Variants in ST7 observed in about 807,000 individuals in gnomAD.
The protein encoded by ST7 is suppression of tumorigenicity 7.
In ST7, 28 loss-of-function variants were observed where a neutral mutation model predicts 78.7. The observed-to-expected ratio is 0.36, with a 90% CI of 0.26 to 0.49. The LOEUF (loss-of-function observed/expected upper bound fraction) is 0.49. Among genes scored for constraint, ST7 ranks in the 20% least tolerant of loss-of-function variants. ST7 has a pLI of 0.99. For synonymous variants in ST7, 247 were observed against 249.6 expected, an observed-to-expected ratio of 0.99 and a Z score of 0.10; for missense variants, 418 against 696.0, an observed-to-expected ratio of 0.60 and a Z score of 4.49.
intron 10 of ST7, among the ~76,000 whole-genome samples, chr7:117,172,418 G>A (rs947081574): frequency 2.0e-5 from 3 of 152,176 alleles, no homozygotes; most frequent in Non-Finnish European, 2.9e-5. Context: ...GCCAGTGATG[G>A]CATCATTTTG....
chr7:116,969,697 C>T (rs1793314244), intron 1 of ST7, among the ~76,000 whole-genome samples: 4 of 152,132 alleles, frequency 2.6e-5, no homozygotes, highest in Admixed American at 6.6e-5. Context: ...TCAAAGCCTC[C>T]CATAACAAAG....
chr7:117,078,891 G>T (rs1369377173), intron 1 of ST7, among the ~76,000 whole-genome samples: 1 of 152,056 alleles, frequency 6.6e-6, no homozygotes, highest in Non-Finnish European at 1.5e-5. Context: ...ATAGTGCTTG[G>T]GTGCATTCTG....
At chr7:117,165,435 A>G (rs1807473160) in intron 9 of ST7, among the ~76,000 whole-genome samples, 1 of 151,690 alleles carries the variant, frequency 6.6e-6, no homozygotes, top group Non-Finnish European at 1.5e-5. Flanking sequence ...TAGATAATGG[A>G]AGATTATAAA....
intron 15 of ST7, among the ~76,000 whole-genome samples, chr7:117,225,673 A>G (rs987035172): frequency 3.3e-5 from 5 of 152,074 alleles, no homozygotes; most frequent in Admixed American, 2.6e-4. Flanking sequence ...TGTGAAAGTG[A>G]TTTTCTCAGC....
chr7:117,089,845 C>T (rs936808016), intron 1 of ST7, among the ~76,000 whole-genome samples: 3 of 152,164 alleles, frequency 2.0e-5, no homozygotes, highest in African/African-American at 7.2e-5. Flanking sequence ...GCTGGGATTA[C>T]AGGCATGAGC....
intron 2 of ST7, among the ~76,000 whole-genome samples, chr7:117,107,946 T>C (rs1268208202): frequency 1.3e-5 from 2 of 152,084 alleles, no homozygotes; most frequent in Non-Finnish European, 2.9e-5. Context: ...ATTTTTTTCT[T>C]TCTTGCTGAT....
At chr7:117,091,581 T>C (rs1474103084) in intron 1 of ST7, among the ~76,000 whole-genome samples, 1 of 152,154 alleles carries the variant, frequency 6.6e-6, no homozygotes, top group Non-Finnish European at 1.5e-5. Context: ...TTATGAACAA[T>C]CGGGAAAGAA....
At chr7:117,160,643 G>A (rs1185893837) in intron 9 of ST7, among the ~76,000 whole-genome samples, 2 of 144,516 alleles carry the variant, frequency 1.4e-5, no homozygotes, top group African/African-American at 2.8e-5. Flanking sequence ...ACATATACTT[G>A]TGTGTGTGTG....
intron 1 of ST7, among the ~76,000 whole-genome samples, chr7:117,040,226 G>A (rs1163130169): frequency 6.6e-6 from 1 of 152,066 alleles, no homozygotes; most frequent in African/African-American, 2.4e-5. Context: ...ACAAAAGTTA[G>A]CCAGGCTTGG....
intron 13 of ST7, among the ~76,000 whole-genome samples, chr7:117,214,155 CA>C (rs1792504993): frequency 1.3e-5 from 2 of 152,142 alleles, no homozygotes; most frequent in Non-Finnish European, 2.9e-5. Flanking sequence ...GCCTGCCGAC[CA>C]CAACTGTGAA....
chr7:117,176,288 A>G (rs1808339346), intron 10 of ST7, among the ~76,000 whole-genome samples: 1 of 152,226 alleles, frequency 6.6e-6, no homozygotes. Flanking sequence ...TGCAACCACT[A>G]TATCAAGATC....
chr7:117,217,156 T>G (rs1239027685), intron 13 of ST7, among the ~76,000 whole-genome samples: 5 of 152,154 alleles, frequency 3.3e-5, no homozygotes, highest in Non-Finnish European at 7.4e-5. Context: ...TGACTTCAAT[T>G]TTGAATAAAA....
At chr7:117,225,161 C>T (rs959763525) in intron 15 of ST7, among the ~76,000 whole-genome samples, 4 of 152,114 alleles carry the variant, frequency 2.6e-5, no homozygotes, top group South Asian at 2.1e-4. Flanking sequence ...TAGGACTGGC[C>T]GTACAGCTGT....
chr7:117,174,357 A>T (rs1808211432), intron 10 of ST7, among the ~76,000 whole-genome samples: 1 of 152,234 alleles, frequency 6.6e-6, no homozygotes, highest in Non-Finnish European at 1.5e-5. Context: ...AGTATCATAC[A>T]TGATTCAAAC....
At chr7:117,139,045 C>T (rs1467754195) in intron 9 of ST7, among the ~76,000 whole-genome samples, 1 of 151,956 alleles carries the variant, frequency 6.6e-6, no homozygotes, top group African/African-American at 2.4e-5. Context: ...AAGCATTTTC[C>T]TAGATTCTTG....
intron 1 of ST7, chr7:116,959,288 T>C: frequency 2.1e-6 from 1 of 470,498 alleles, no homozygotes; most frequent in Non-Finnish European, 4.4e-6. Flanking sequence ...AAGCTTCAGT[T>C]CTAATTCTAG....
intron 1 of ST7, among the ~76,000 whole-genome samples, chr7:117,091,357 A>G (rs1013573687): frequency 1.9e-4 from 29 of 152,326 alleles, no homozygotes; most frequent in African/African-American, 7.0e-4. Flanking sequence ...GCCTTGATGT[A>G]AAACTGATTT....
chr7:117,035,388 T>C (rs1444480811), intron 1 of ST7, among the ~76,000 whole-genome samples: 1 of 152,210 alleles, frequency 6.6e-6, no homozygotes, highest in African/African-American at 2.4e-5. Context: ...CTTTTGTCAG[T>C]AGACTGTTTC....
chr7:116,971,988 C>T (rs1228062036), intron 1 of ST7, among the ~76,000 whole-genome samples: 4 of 152,112 alleles, frequency 2.6e-5, no homozygotes, highest in East Asian at 1.9e-4. Flanking sequence ...CTGGAATCTC[C>T]GGGAAGAGGC....
Sources: gnomAD v4.1 joint callset for allele counts (sites outside exome capture counted in the v4.1 genomes callset) on GRCh38, gnomAD v4.1.1 for gene constraint, MANE v1.5 for transcripts, NCBI Gene and HGNC (gene_info 2026-07-23, HGNC 2026-07-21) for gene names.